FCHSD2: variants seen among roughly 807,000 people sequenced by gnomAD.
FCHSD2 encodes FCH and double SH3 domains 2.
A neutral mutation model predicts 108.1 loss-of-function variants in FCHSD2; 38 were observed. That is an observed-to-expected ratio of 0.35 (90% confidence interval 0.27 to 0.46). FCHSD2 has a LOEUF of 0.46. Ranked by LOEUF, FCHSD2 falls within the 20% of genes least tolerant of loss-of-function variation. FCHSD2 has a pLI of 1.00. For missense variants in FCHSD2, 751 were observed against 897.8 expected (o/e 0.84, Z 2.09); for synonymous variants, 279 against 314.7 (o/e 0.89, Z 1.20).
chr11:73,122,538 G>A (rs1318601588), intron 2 of FCHSD2, among the ~76,000 whole-genome samples: 1 of 152,226 alleles, frequency 6.6e-6, no homozygotes, highest in African/African-American at 2.4e-5. Context: ...GCCTGAAGTA[G>A]AGATGCATGG....
chr11:72,948,018 G>GT (rs1856550868), intron 8 of FCHSD2, among the ~76,000 whole-genome samples: 1 of 151,852 alleles, frequency 6.6e-6, no homozygotes, highest in African/African-American at 2.4e-5. Context: ...GTTTTGTTTT[G>GT]TTTTTTTGAG....
At chr11:72,981,149 A>G (rs1331539735) in intron 8 of FCHSD2, among the ~76,000 whole-genome samples, 1 of 152,202 alleles carries the variant, frequency 6.6e-6, no homozygotes, top group Non-Finnish European at 1.5e-5. Flanking sequence ...GTTAATGTAC[A>G]GTACATGAAA....
intron 2 of FCHSD2, among the ~76,000 whole-genome samples, chr11:73,105,192 G>A (rs538429743): frequency 4.7e-4 from 72 of 152,266 alleles, no homozygotes; most frequent in Admixed American, 1.3e-3. Context: ...CTGGTTAGGT[G>A]GGGGGAAGAC....
intron 3 of FCHSD2, among the ~76,000 whole-genome samples, chr11:73,017,323 A>G (rs539412430): frequency 2.5e-4 from 38 of 152,330 alleles, no homozygotes; most frequent in Admixed American, 6.5e-4. Flanking sequence ...CCCTAACACT[A>G]TAACAGGGCC....
intron 2 of FCHSD2, among the ~76,000 whole-genome samples, chr11:73,114,627 G>A (rs1389318367): frequency 6.6e-6 from 1 of 151,870 alleles, no homozygotes; most frequent in Non-Finnish European, 1.5e-5. Context: ...CAGGGCCCAA[G>A]GGCACTTTAG....
chr11:72,950,945 T>C (rs985150709), intron 8 of FCHSD2, among the ~76,000 whole-genome samples: 1 of 152,198 alleles, frequency 6.6e-6, no homozygotes, highest in African/African-American at 2.4e-5. Context: ...GAAGTAACAT[T>C]TGCTCCTTTA....
chr11:72,876,275 A>G (rs1286031690), intron 12 of FCHSD2, among the ~76,000 whole-genome samples: 2 of 152,196 alleles, frequency 1.3e-5, no homozygotes, highest in African/African-American at 4.8e-5. Context: ...GGCTGCAGTG[A>G]GTTGTGCCAC....
At chr11:72,976,701 A>G (rs1020889567) in intron 8 of FCHSD2, among the ~76,000 whole-genome samples, 1 of 152,222 alleles carries the variant, frequency 6.6e-6, no homozygotes, top group African/African-American at 2.4e-5. Flanking sequence ...GCATAAAAAT[A>G]GACTCACAGA....
At chr11:73,083,526 C>A (rs1859745412) in intron 3 of FCHSD2, among the ~76,000 whole-genome samples, 169 bp downstream of exon 3, 1 of 144,020 alleles carries the variant, frequency 6.9e-6, no homozygotes, top group South Asian at 2.2e-4. Flanking sequence ...TCCAGCCTCG[C>A]AACAAAGCGA....
intron 3 of FCHSD2, among the ~76,000 whole-genome samples, chr11:73,053,573 C>CATAA (rs796646398): frequency 8.7e-4 from 133 of 152,224 alleles, no homozygotes; most frequent in African/African-American, 3.0e-3. Flanking sequence ...TATACAAATA[C>CATAA]GTTATCTCTT....
At chr11:72,941,830 G>C (rs1856425640) in intron 8 of FCHSD2, among the ~76,000 whole-genome samples, 1 of 152,180 alleles carries the variant, frequency 6.6e-6, no homozygotes, top group Non-Finnish European at 1.5e-5. Context: ...ACCAGGGAAT[G>C]TAGCTTCAAA....
At chr11:72,966,984 G>C (rs1244681942) in intron 8 of FCHSD2, among the ~76,000 whole-genome samples, 1 of 151,978 alleles carries the variant, frequency 6.6e-6, no homozygotes, top group Admixed American at 6.6e-5. Context: ...GGATCACGAG[G>C]TCAGGAGATT....
At chr11:72,918,913 T>C (rs1031820117) in intron 9 of FCHSD2, among the ~76,000 whole-genome samples, 10 of 152,134 alleles carry the variant, frequency 6.6e-5, no homozygotes, top group African/African-American at 2.4e-4. Flanking sequence ...CTGCTTCAGT[T>C]ACATATACAA....
At chr11:73,124,116 T>C (rs898982786) in intron 2 of FCHSD2, among the ~76,000 whole-genome samples, 1 of 152,126 alleles carries the variant, frequency 6.6e-6, no homozygotes, top group African/African-American at 2.4e-5. Flanking sequence ...TGTAGGGACA[T>C]GGATGAAGCT....
chr11:73,098,691 A>G (rs1015257357), intron 2 of FCHSD2, among the ~76,000 whole-genome samples: 1 of 152,230 alleles, frequency 6.6e-6, no homozygotes, highest in Non-Finnish European at 1.5e-5. Context: ...TCTTCAACAA[A>G]TGGTGCCAAG....
At chr11:72,852,049 G>GT (rs1260197874) in intron 13 of FCHSD2, among the ~76,000 whole-genome samples, 1 of 151,356 alleles carries the variant, frequency 6.6e-6, no homozygotes, top group East Asian at 2.0e-4. Context: ...GCTAATTTTT[G>GT]TTTTTGGTGT....
chr11:73,048,947 CAT>C (rs966265719), intron 3 of FCHSD2, among the ~76,000 whole-genome samples: 65 of 152,254 alleles, frequency 4.3e-4, no homozygotes, highest in African/African-American at 1.5e-3. Flanking sequence ...CAAATTCTCA[CAT>C]GACAAAGAGC....
chr11:73,040,961 G>T (rs1017534775), intron 3 of FCHSD2, among the ~76,000 whole-genome samples: 8 of 151,956 alleles, frequency 5.3e-5, no homozygotes, highest in Non-Finnish European at 1.0e-4. Flanking sequence ...CCACATATCA[G>T]TGAGTGAGAA....
intron 4 of FCHSD2, among the ~76,000 whole-genome samples, chr11:73,002,491 C>T (rs2135419194): frequency 6.6e-6 from 1 of 152,212 alleles, no homozygotes; most frequent in South Asian, 2.1e-4. Context: ...GGCTCTCCCT[C>T]CTAAGCAGTC....
Sources: gnomAD v4.1 joint callset for allele counts (sites outside exome capture counted in the v4.1 genomes callset) on GRCh38, gnomAD v4.1.1 for gene constraint, MANE v1.5 for transcripts, NCBI Gene and HGNC (gene_info 2026-07-23, HGNC 2026-07-21) for gene names.